Variants in PPFIBP1 observed in about 807,000 individuals in gnomAD.
PPFIBP1 encodes liprin-beta-1.
In PPFIBP1, 112 loss-of-function variants were observed where a neutral mutation model predicts 137.8. The observed-to-expected ratio is 0.81, with a 90% confidence interval of 0.70 to 0.95. The LOEUF (loss-of-function observed/expected upper bound fraction) is 0.95, where lower values mean the gene tolerates loss of function less well. Ranked by LOEUF, PPFIBP1 falls within the 40% of genes least tolerant of loss-of-function variation. PPFIBP1 has a pLI of 0.00. For synonymous variants in PPFIBP1, 378 were observed against 417.3 expected (o/e 0.91, Z 1.15); for missense variants, 1,083 against 1,196.6 (o/e 0.91, Z 1.40).
chr12:27,652,094 A>G (rs1347999708), intron 7 of PPFIBP1, among the ~76,000 whole-genome samples: 4 of 152,228 alleles, frequency 2.6e-5, no homozygotes, highest in Non-Finnish European at 5.9e-5. Context: ...ACATTAAACT[A>G]ACTTGAATAT....
intron 4 of PPFIBP1, 131 bp downstream of exon 4, chr12:27,635,246 T>G: frequency 1.2e-6 from 1 of 820,272 alleles, no homozygotes; most frequent in Non-Finnish European, 1.9e-6. Context: ...TTACTTAAGA[T>G]ATCTTAATTT....
chr12:27,569,278 A>C (rs767466551), intron 1 of PPFIBP1, among the ~76,000 whole-genome samples: 14 of 151,374 alleles, frequency 9.2e-5, no homozygotes, highest in Non-Finnish European at 1.6e-4. Flanking sequence ...ATGTATATTT[A>C]TTATAAATAA....
At chr12:27,535,570 AT>A (rs139673317) in intron 1 of PPFIBP1, among the ~76,000 whole-genome samples, 25,592 of 151,176 alleles carry the variant, frequency 0.17, 2,407 homozygotes, top group Middle Eastern at 0.26. Context: ...GTGCCTGGCA[AT>A]TTTTTTTTGT....
At chr12:27,669,631 T>C (rs765588045) in intron 13 of PPFIBP1, among the ~76,000 whole-genome samples, 5 of 152,172 alleles carry the variant, frequency 3.3e-5, no homozygotes, top group African/African-American at 4.8e-5. Flanking sequence ...ATTAGGAATC[T>C]CAAGAGACAA....
At chr12:27,603,085 C>G (rs1346920910) in intron 2 of PPFIBP1, among the ~76,000 whole-genome samples, 1 of 152,168 alleles carries the variant, frequency 6.6e-6, no homozygotes, top group Non-Finnish European at 1.5e-5. Context: ...GTGCTTCATG[C>G]AACACCAAAT....
intron 29 of PPFIBP1, 33 bp from the exon 30 acceptor site, chr12:27,692,763 C>T (rs763936617): frequency 6.2e-7 from 1 of 1,614,020 alleles, no homozygotes; most frequent in South Asian, 1.1e-5. Context: ...GCTCTTGGCT[C>T]TCAGTGTGAC....
At chr12:27,526,441 G>A (rs2135694350) in intron 1 of PPFIBP1, among the ~76,000 whole-genome samples, 1 of 152,074 alleles carries the variant, frequency 6.6e-6, no homozygotes, top group African/African-American at 2.4e-5. Context: ...AGGAAAACAC[G>A]GAATACTTAA....
At chr12:27,636,125 T>C (rs2057649488) in intron 4 of PPFIBP1, 1 of 152,224 alleles carries the variant, frequency 6.6e-6, no homozygotes, top group Admixed American at 6.5e-5. Context: ...CATTTTCATA[T>C]GATGTGACAC....
rs1363198922 is a variant in PPFIBP1, at chr12:27,689,147, C to A, written c.2629C>A (p.Arg877=). The change falls in exon 27 of 30, where the codon CGA becomes AGA. Residue 877 remains arginine (R), a synonymous_variant. Coordinates refer to ENST00000228425, the MANE Select transcript of PPFIBP1 (RefSeq NM_003622.4). ...TGGGGCTGAGGCACAGCACCAGAAG[C>A]GAGATGCCATGGAGCTGCCGGATTA... ...LIGAEAQHQK[R]DAMELPDYVL... 5 of 1,599,148 alleles carry A rather than the reference C, an allele frequency of 3.1e-6. No individual in the cohort carries two copies. The highest frequency in any genetic ancestry group is 4.3e-6 in the Non-Finnish European group (5 of 1,176,174).
In PPFIBP1 at chr12:27,656,502, A is replaced by G. The variant is rs866234659; in HGVS notation, c.697-114A>G. ...TTTCTGATGCTTGCATCTAAATTCT[A>G]GTAGATTTGTTTCATTCATAAAACC... On this transcript the variant is annotated intron_variant, in intron 8 of 29. Coordinates refer to ENST00000228425, the MANE Select transcript of PPFIBP1 (RefSeq NM_003622.4). 11 of 689,644 alleles carry G rather than the reference A, an allele frequency of 1.6e-5. No individual in the cohort carries two copies. In the Middle Eastern group the frequency reaches 1.4e-3, roughly 85 times the overall value. 42.7% of individuals were successfully genotyped at this position (689,644 alleles called of 1,614,324 possible). A position where few individuals can be genotyped will look rare whatever the true frequency, so the allele number is the denominator to read the frequency against.
chr12:27,648,423 T>C (rs567361416), intron 6 of PPFIBP1, among the ~76,000 whole-genome samples: 2 of 152,340 alleles, frequency 1.3e-5, no homozygotes, highest in East Asian at 1.9e-4. Flanking sequence ...ATACAACTGC[T>C]ATGGAGAACA....
intron 4 of PPFIBP1, chr12:27,636,884 C>T (rs1314921632): frequency 1.3e-5 from 2 of 152,312 alleles, no homozygotes; most frequent in East Asian, 3.9e-4. Context: ...TTAAACATGC[C>T]AGGTACACTG....
In PPFIBP1 at chr12:27,676,419, G is replaced by T; in HGVS notation, c.1411-9G>T. The T allele has an allele frequency of 6.8e-7, 1 of 1,474,264 alleles. No homozygotes were observed. The allele number at this position is 1,474,264 out of a possible 1,614,324, so 91.3% of individuals were successfully genotyped here. A position where few individuals can be genotyped will look rare whatever the true frequency, so the allele number is the denominator to read the frequency against. ...GAGAGCTGTTTCACTATTCTTATTT[G>T]CCTCTCAGGACAGAGCTCCGGCAGA... On this transcript the variant is annotated splice_polypyrimidine_tract_variant and intron_variant, in intron 17 of 29. Coordinates refer to ENST00000228425, the MANE Select transcript of PPFIBP1 (RefSeq NM_003622.4).
intron 2 of PPFIBP1, among the ~76,000 whole-genome samples, chr12:27,603,993 G>A (rs555140502): frequency 2.0e-5 from 3 of 152,200 alleles, no homozygotes; most frequent in Non-Finnish European, 4.4e-5. Context: ...AAAGAGCAGA[G>A]TTGGCATTTT....
intron 1 of PPFIBP1, among the ~76,000 whole-genome samples, chr12:27,568,116 A>C (rs1417413692): frequency 6.6e-6 from 1 of 152,176 alleles, no homozygotes; most frequent in Non-Finnish European, 1.5e-5. Context: ...AAGAGACTAC[A>C]TGGCATGGAC....
chr12:27,569,835 C>A (rs10842936), intron 1 of PPFIBP1, among the ~76,000 whole-genome samples: 99,986 of 152,022 alleles, frequency 0.66, 33,451 homozygotes, highest in African/African-American at 0.78. Context: ...CTGGGATTAC[C>A]GGTGTGAGCC....
In PPFIBP1 at chr12:27,681,554, A is replaced by G. The variant is rs200645200; in HGVS notation, c.1904A>G (p.Asp635Gly). The G allele has an allele frequency of 1.9e-6, 3 of 1,614,074 alleles. No individual in the cohort carries two copies. Among genetic ancestry groups the G allele is most frequent in the Non-Finnish European group, 1.7e-6 (2 of 1,179,926 alleles). ...RDLGQSNSDL[D>G]MPFAKWTKEQ... ...TACTCATTTTCCTGTAGTGACTTGG[A>G]TATGCCATTTGCCAAGTGGACCAAG... The change falls in exon 22 of 30, where the codon GAT becomes GGT. Residue 635 changes from aspartate (D) to glycine (G), a missense_variant. Physicochemically the swap from Asp to Gly is moderately conservative, Grantham distance 94. Transcript: ENST00000228425.
intron 1 of PPFIBP1, among the ~76,000 whole-genome samples, chr12:27,540,348 G>A (rs1296600220): frequency 6.6e-6 from 1 of 151,524 alleles, no homozygotes; most frequent in African/African-American, 2.4e-5. Flanking sequence ...GTAGTTAGCT[G>A]GTACCCCGAG....
At chr12:27,640,638 C>A (rs1964317) in intron 4 of PPFIBP1, among the ~76,000 whole-genome samples, 88,453 of 150,242 alleles carry the variant, frequency 0.59, 26,539 homozygotes, top group Admixed American at 0.65. Context: ...TTCCACCACA[C>A]CCAGTGAGAG....
Sources: allele counts gnomAD v4.1 joint callset (sites outside exome capture counted in the v4.1 genomes callset), GRCh38; gene constraint gnomAD v4.1.1; transcripts MANE v1.5; gene names NCBI Gene and HGNC (gene_info 2026-07-23, HGNC 2026-07-21).